The following XRCC2 variants were observed in gnomAD, a reference collection of about 807,000 sequenced individuals.
XRCC2 encodes the protein X-ray repair cross complementing 2, also known as DNA repair protein XRCC2.
XRCC2 carries 24 observed loss-of-function variants against 27.3 expected under a neutral mutation model. The ratio of observed to expected loss-of-function variants is 0.88; its 90% CI spans 0.64 to 1.24. The LOEUF (loss-of-function observed/expected upper bound fraction) is 1.24, where lower values mean the gene tolerates loss of function less well. Among genes scored for constraint, XRCC2 ranks in the 50% most tolerant of loss-of-function variants. XRCC2 has a pLI of 0.00. For missense variants in XRCC2, 321 were observed against 325.8 expected, an observed-to-expected ratio of 0.99 and a Z score of 0.11; for synonymous variants, 106 against 115.4, an observed-to-expected ratio of 0.92 and a Z score of 0.52.
At chr7:152,654,494 A>G (rs542190279) in intron 2 of XRCC2, among the ~76,000 whole-genome samples, 2 of 152,354 alleles carry the variant, frequency 1.3e-5, no homozygotes, top group East Asian at 3.9e-4. Flanking sequence ...ATAGCAGAAA[A>G]GTCATGACAA....
At chr7:152,675,627 C>T (rs765341920) in intron 1 of XRCC2, among the ~76,000 whole-genome samples, 1 of 152,192 alleles carries the variant, frequency 6.6e-6, no homozygotes, top group African/African-American at 2.4e-5. Context: ...TCCAGAAAAG[C>T]TCCAAATGCT....
At chr7:152,651,025 C>T (rs920328354) in intron 2 of XRCC2, among the ~76,000 whole-genome samples, 6 of 152,108 alleles carry the variant, frequency 3.9e-5, no homozygotes, top group African/African-American at 2.4e-5. Context: ...CTGCAACTTT[C>T]GCCTCCTGGG....
rs1322499727 is a variant in XRCC2, at chr7:152,646,296, G to T, written c.*2346C>A. 1 of 48,422 alleles carries T rather than the reference G, an allele frequency of 2.1e-5. No homozygotes were observed. Among genetic ancestry groups the T allele is most frequent in the East Asian group, 3.9e-4 (1 of 2,564 alleles). 3.0% of individuals were successfully genotyped at this position (48,422 alleles called of 1,614,324 possible). Reference sequence around the variant, plus strand: ...TTCTTGCCACGTATTCTAAGTCTGTGAGAGGGTGTGTGTGTGTGTGTGTGT... The same window carrying T: ...TTCTTGCCACGTATTCTAAGTCTGTTAGAGGGTGTGTGTGTGTGTGTGTGT... On this transcript the variant is annotated 3_prime_UTR_variant, in exon 3 of 3. Transcript: ENST00000359321.
In XRCC2 at chr7:152,648,773, T is replaced by A; in HGVS notation, c.712A>T (p.Arg238Trp). ...CKAWQQLVKHRMFFSKQDDSQ... is the reference protein window; with the variant it reads ...CKAWQQLVKHWMFFSKQDDSQ... ...TCATCTTGTTTGGAGAAAAACATCC[T>A]GTGCTTCACCAGTTGCTGCCATGCC... The change falls in exon 3 of 3, where the codon AGG becomes TGG. Residue 238 changes from arginine (R) to tryptophan (W), a missense_variant. Arg to Trp is a moderately radical substitution (Grantham distance 101). Transcript: ENST00000359321. The A allele has an allele frequency of 6.2e-7, 1 of 1,614,220 alleles. No individual in the cohort carries two copies. Among genetic ancestry groups the A allele is most frequent in the Non-Finnish European group, 8.5e-7 (1 of 1,180,038 alleles).
At chr7:152,652,460 A>T (rs936463675) in intron 2 of XRCC2, among the ~76,000 whole-genome samples, 5 of 152,114 alleles carry the variant, frequency 3.3e-5, no homozygotes, top group African/African-American at 1.2e-4. Context: ...CCATAGAGGC[A>T]GCCAGAGAGG....
At position 152,646,977 on chromosome 7, in the gene XRCC2, ACT is replaced by A. The variant is rs1248704901; in HGVS notation, c.*1663_*1664del. The stretch of plus-strand genomic sequence containing the variant: ...ATGGTATCTCTGTCTTTATCCCCAC[ACT>A]GTCTTCCACAATGGCTGAACTAATT... On this transcript the variant is annotated 3_prime_UTR_variant, in exon 3 of 3. Coordinates refer to ENST00000359321, the MANE Select transcript of XRCC2 (RefSeq NM_005431.2). 1 of 152,166 alleles carries A rather than the reference ACT, an allele frequency of 6.6e-6. No homozygotes were observed. Among genetic ancestry groups the A allele is most frequent in the African/African-American group, 2.4e-5 (1 of 41,432 alleles). 9.4% of individuals were successfully genotyped at this position (152,166 alleles called of 1,614,324 possible). A position where few individuals can be genotyped will look rare whatever the true frequency, so the allele number is the denominator to read the frequency against.
At chr7:152,665,003 G>C (rs1179452304) in intron 1 of XRCC2, among the ~76,000 whole-genome samples, 2 of 152,036 alleles carry the variant, frequency 1.3e-5, no homozygotes, top group Non-Finnish European at 2.9e-5. Context: ...CCCTACACGA[G>C]CATGCACAGA....
chr7:152,666,927 G>C (rs866503821), intron 1 of XRCC2, among the ~76,000 whole-genome samples: 21 of 152,038 alleles, frequency 1.4e-4, no homozygotes, highest in African/African-American at 5.1e-4. Context: ...AAGACAGAGA[G>C]ACTTTCATGG....
In XRCC2 at chr7:152,648,702, T is replaced by G. The variant is rs1423193607; in HGVS notation, c.783A>C (p.Lys261Asn). 1.2e-6 allele frequency: 2 copies of G among 1,609,836 alleles called. No homozygotes were observed. The highest frequency in any genetic ancestry group is 2.7e-5 in the African/African-American group (2 of 74,688). ...AAAAATGTTTTTTTAAACTGTTACT[T>G]TTTAAACAACGTGAAACTAATGAAA... The part of the protein sequence containing the change: ...NQFSLVSRCL[K>N]SNSLKKHFFI... The change falls in exon 3 of 3, where the codon AAA (lysine) becomes AAC (asparagine). Residue 261 changes from lysine to asparagine, a missense_variant. Physicochemically the swap from Lys to Asn is moderately conservative, Grantham distance 94 (BLOSUM62 0). Transcript: ENST00000359321.
intron 2 of XRCC2, among the ~76,000 whole-genome samples, chr7:152,652,149 G>A (rs2098028798): frequency 6.7e-6 from 1 of 150,086 alleles, no homozygotes; most frequent in Non-Finnish European, 1.5e-5. Context: ...GACAACAGAG[G>A]GAGACCCTGT....
intron 2 of XRCC2, among the ~76,000 whole-genome samples, chr7:152,653,966 C>T (rs1464688119): frequency 1.3e-5 from 2 of 152,130 alleles, no homozygotes; most frequent in African/African-American, 4.8e-5. Flanking sequence ...GAGGCTGAGG[C>T]AGGTGGATCA....
intron 1 of XRCC2, among the ~76,000 whole-genome samples, chr7:152,673,597 G>A (rs545644828): frequency 9.2e-5 from 14 of 152,298 alleles, no homozygotes; most frequent in African/African-American, 3.4e-4. Context: ...GCCAGGCGTG[G>A]TGGCTCATGC....
intron 2 of XRCC2, among the ~76,000 whole-genome samples, chr7:152,652,314 C>T (rs1456159490): frequency 6.6e-6 from 1 of 151,840 alleles, no homozygotes; most frequent in Non-Finnish European, 1.5e-5. Context: ...TACTATGTTA[C>T]TGAGGAGCTA....
In XRCC2 at chr7:152,663,346, T is replaced by TAAAAAAAAAAAAAAAAAA. The variant is rs530664762; in HGVS notation, c.40-2582_40-2565dup. Among the ~76,000 whole-genome samples the TAAAAAAAAAAAAAAAAAA allele has an allele frequency of 1.4e-3, 112 of 80,890 alleles. 9 individuals are homozygous for TAAAAAAAAAAAAAAAAAA. Among genetic ancestry groups the TAAAAAAAAAAAAAAAAAA allele is most frequent in the Non-Finnish European group, 2.2e-3 (90 of 40,464 alleles). The allele number at this position is 80,890 out of a possible 152,430, so 53.1% of individuals were successfully genotyped here. A position where few individuals can be genotyped will look rare whatever the true frequency, so the allele number is the denominator to read the frequency against. On this transcript the variant is annotated intron_variant, in intron 1 of 2. Transcript: ENST00000359321. ...GCTTTACGTAAGAATGTCTTTGAAG[T>TAAAAAAAAAAAAAAAAAA]AAAAAAAAAAAAAAAAAAAAAAAAA...
At chr7:152,652,742 G>A (rs1350318279) in intron 2 of XRCC2, among the ~76,000 whole-genome samples, 2 of 152,162 alleles carry the variant, frequency 1.3e-5, no homozygotes, top group Non-Finnish European at 2.9e-5. Context: ...AGATCCTCTT[G>A]AGAGACATCT....
chr7:152,658,850 C>G, intron 2 of XRCC2, among the ~76,000 whole-genome samples: 1 of 152,330 alleles, frequency 6.6e-6, no homozygotes, highest in South Asian at 2.1e-4. Context: ...CTTTTCCCCC[C>G]AGGGATTCAT....
At position 152,675,636 on chromosome 7, in the gene XRCC2, C is replaced by T. The variant is rs56135916; in HGVS notation, c.39+405G>A. On this transcript the variant is annotated intron_variant, in intron 1 of 2. Transcript: ENST00000359321. ...ACCTGTTCCAGAAAAGCTCCAAATG[C>T]TCCAACGGGCGACCCCTCCCCTTTT... Among the ~76,000 whole-genome samples the T allele has an allele frequency of 5.3e-5, 8 of 152,332 alleles. 1 individual carries two copies. In the East Asian group the frequency reaches 1.5e-3, roughly 29 times the overall value.
intron 1 of XRCC2, among the ~76,000 whole-genome samples, chr7:152,674,704 T>C (rs1181924096): frequency 2.1e-5 from 2 of 93,498 alleles, no homozygotes; most frequent in Non-Finnish European, 3.8e-5. Context: ...TAAATATATA[T>C]TTATATAATA....
In XRCC2 at chr7:152,663,346, T is replaced by TAAAAAAAAAAAAAAAAAAAA. The variant is rs530664762; in HGVS notation, c.40-2584_40-2565dup. Among the ~76,000 whole-genome samples the TAAAAAAAAAAAAAAAAAAAA allele has an allele frequency of 4.2e-4, 34 of 80,906 alleles. 6 individuals carry two copies. The highest frequency in any genetic ancestry group is 5.7e-4 in the Non-Finnish European group (23 of 40,470). The allele number at this position is 80,906 out of a possible 152,430, so 53.1% of individuals were successfully genotyped here. On this transcript the variant is annotated intron_variant, in intron 1 of 2. Transcript: ENST00000359321. ...GCTTTACGTAAGAATGTCTTTGAAGTAAAAAAAAAAAAAAAAAAAAAAAAA... is the reference window on the plus strand; with the variant it reads ...GCTTTACGTAAGAATGTCTTTGAAGTAAAAAAAAAAAAAAAAAAAAAAAAAAAAAAAAAAAAAAAAAAAAA...
Sources: gnomAD v4.1 joint callset for allele counts (sites outside exome capture counted in the v4.1 genomes callset) on GRCh38, gnomAD v4.1.1 for gene constraint, MANE v1.5 for transcripts, NCBI Gene and HGNC (gene_info 2026-07-23, HGNC 2026-07-21) for gene names.